Variants in ITGAV observed in about 807,000 individuals in gnomAD.
ITGAV encodes integrin subunit alpha V.
In ITGAV, 76 loss-of-function variants were observed where a neutral mutation model predicts 143.8. The ratio of observed to expected loss-of-function variants is 0.53; its 90% CI spans 0.44 to 0.64. ITGAV has a LOEUF of 0.64. Ranked by LOEUF, ITGAV falls within the 30% of genes least tolerant of loss-of-function variation. ITGAV has a pLI of 0.00. For missense variants in ITGAV, 1,193 were observed against 1,274.7 expected (o/e 0.94, Z 0.98); for synonymous variants, 453 against 446.7 (o/e 1.01, Z -0.18).
At chr2:186,645,079 GCTTA>G (rs1327359184) in intron 12 of ITGAV, among the ~76,000 whole-genome samples, 3 of 152,278 alleles carry the variant, frequency 2.0e-5, no homozygotes, top group Middle Eastern at 3.4e-3. Context: ...ATGTTCTATA[GCTTA>G]CTTACTTTGT....
At chr2:186,630,503 ATCTTT>A (rs796325018) in intron 4 of ITGAV, among the ~76,000 whole-genome samples, 8 of 152,000 alleles carry the variant, frequency 5.3e-5, no homozygotes, top group African/African-American at 1.9e-4. Context: ...ATAAATTATA[ATCTTT>A]TTGTGGATTG....
At chr2:186,637,818 A>G (rs1467029416) in intron 8 of ITGAV, among the ~76,000 whole-genome samples, 1 of 152,094 alleles carries the variant, frequency 6.6e-6, no homozygotes, top group African/African-American at 2.4e-5. Context: ...CTGTACGGTT[A>G]TTACCCCATC....
intron 2 of ITGAV, among the ~76,000 whole-genome samples, chr2:186,621,837 C>T (rs1266150492): frequency 6.6e-6 from 1 of 151,878 alleles, no homozygotes; most frequent in Non-Finnish European, 1.5e-5. Context: ...TGTAGTGTGC[C>T]GTATTGAATT....
At chr2:186,626,523 C>T (rs1687679508) in intron 4 of ITGAV, among the ~76,000 whole-genome samples, 3 of 152,170 alleles carry the variant, frequency 2.0e-5, no homozygotes, top group Admixed American at 6.5e-5. Flanking sequence ...AAAAGCACAA[C>T]ATGTAAGACT....
intron 18 of ITGAV, among the ~76,000 whole-genome samples, chr2:186,661,743 C>CCCA (rs1688752136): frequency 6.6e-6 from 1 of 151,720 alleles, no homozygotes; most frequent in East Asian, 1.9e-4. Context: ...ACTACAGGAA[C>CCCA]CCACCACCAC....
At position 186,664,747 on chromosome 2, in the gene ITGAV, A is replaced by C. The variant is rs1376777393; in HGVS notation, c.2073+106A>C. 2.2e-6 allele frequency: 3 copies of C among 1,361,166 alleles called. No individual in the cohort carries two copies. The African/African-American group carries it at 4.3e-5, about 20-fold the overall frequency. 84.3% of individuals were successfully genotyped at this position (1,361,166 alleles called of 1,614,324 possible). ...AGCACAAGCTTAGCTATTCTACCTA[A>C]GGCTAAATTGATAGACAATGGAGTG... On this transcript the variant is annotated intron_variant, in intron 20 of 29. Coordinates refer to ENST00000261023, the MANE Select transcript of ITGAV (RefSeq NM_002210.5).
At chr2:186,613,840 T>C (rs1053501748) in intron 2 of ITGAV, among the ~76,000 whole-genome samples, 1 of 152,074 alleles carries the variant, frequency 6.6e-6, no homozygotes, top group Non-Finnish European at 1.5e-5. Flanking sequence ...TTCAGGAGTA[T>C]CTAGAATTTT....
At chr2:186,633,456 C>A in intron 6 of ITGAV, 82 bp downstream of exon 6, 1 of 693,362 alleles carries the variant, frequency 1.4e-6, no homozygotes, top group South Asian at 2.0e-5. Flanking sequence ...TGACATTTTA[C>A]AAATTATTTT....
intron 4 of ITGAV, among the ~76,000 whole-genome samples, chr2:186,628,554 A>G: frequency 6.6e-6 from 1 of 152,112 alleles, no homozygotes; most frequent in Middle Eastern, 3.2e-3. Context: ...AAGTAACTTG[A>G]CCGTGGCTAA....
intron 4 of ITGAV, among the ~76,000 whole-genome samples, chr2:186,629,339 G>T (rs554898787): frequency 2.0e-5 from 3 of 151,954 alleles, no homozygotes; most frequent in Non-Finnish European, 4.4e-5. Flanking sequence ...GCAGATAATT[G>T]TACAGTATGA....
At chr2:186,625,628 G>A (rs1192762182) in intron 4 of ITGAV, 41 bp downstream of exon 4, 2 of 1,348,864 alleles carry the variant, frequency 1.5e-6, no homozygotes, top group Non-Finnish European at 2.1e-6. Flanking sequence ...GAAGAGGGGT[G>A]GGAAGCCTAG....
intron 10 of ITGAV, among the ~76,000 whole-genome samples, 195 bp downstream of exon 10, chr2:186,638,660 GTGTGTGTGTGTA>G (rs984510175): frequency 2.0e-4 from 31 of 151,498 alleles, no homozygotes; most frequent in African/African-American, 7.5e-4. Flanking sequence ...GTGTGTGTGT[GTGTGTGTGTGTA>G]GTATATAAAC....
chr2:186,600,299 C>G, intron 1 of ITGAV: 1 of 1,523,028 alleles, frequency 6.6e-7, no homozygotes, highest in Non-Finnish European at 8.9e-7. Flanking sequence ...CTTCCCTCAT[C>G]CCCACCCCCC....
At chr2:186,633,059 T>C (rs373765471) in intron 5 of ITGAV, among the ~76,000 whole-genome samples, 7 of 150,396 alleles carry the variant, frequency 4.7e-5, no homozygotes, top group African/African-American at 1.7e-4. Context: ...CTCAGCACTT[T>C]AAGAGGCTGA....
In ITGAV at chr2:186,679,222, A is replaced by T. The variant is rs1689290989; in HGVS notation, c.*1930A>T. ...CCACCTAGTAACAGTCATTTCTGAA[A>T]ATATGTTGGATAGAAAGTCACTCTT... On this transcript the variant is annotated 3_prime_UTR_variant, in exon 30 of 30. Coordinates refer to ENST00000261023, the MANE Select transcript of ITGAV (RefSeq NM_002210.5). 6.6e-6 allele frequency: 1 copy of T among 152,078 alleles called. No homozygotes were observed. Among genetic ancestry groups the T allele is most frequent in the African/African-American group, 2.4e-5 (1 of 41,454 alleles). The allele number at this position is 152,078 out of a possible 1,614,324, so 9.4% of individuals were successfully genotyped here.
At chr2:186,596,753 C>T (rs1476261128) in intron 1 of ITGAV, among the ~76,000 whole-genome samples, 1 of 152,014 alleles carries the variant, frequency 6.6e-6, no homozygotes. Flanking sequence ...TCACCTTGTA[C>T]CCAGTTTTCT....
At chr2:186,637,158 T>A in intron 8 of ITGAV, 49 bp downstream of exon 8, 1 of 1,469,586 alleles carries the variant, frequency 6.8e-7, no homozygotes, top group Non-Finnish European at 9.5e-7. Flanking sequence ...TTAGATTAAG[T>A]ATTTGAAACA....
chr2:186,630,929 T>G, intron 5 of ITGAV, 71 bp downstream of exon 5: 1 of 762,928 alleles, frequency 1.3e-6, no homozygotes, highest in Non-Finnish European at 2.3e-6. Flanking sequence ...AAAAATAAAC[T>G]GGTCAATACC....
At chr2:186,636,919 A>G (rs558884493) in intron 7 of ITGAV, 146 bp from the exon 8 acceptor site, 1 of 611,502 alleles carries the variant, frequency 1.6e-6, no homozygotes, top group African/African-American at 1.9e-5. Context: ...TATGTCATAT[A>G]TATATGAATC....
Sources: gnomAD v4.1 joint callset for allele counts (sites outside exome capture counted in the v4.1 genomes callset) on GRCh38, gnomAD v4.1.1 for gene constraint, MANE v1.5 for transcripts, NCBI Gene and HGNC (gene_info 2026-07-23, HGNC 2026-07-21) for gene names.